CUX1: variants seen among roughly 807,000 people sequenced by gnomAD.
CUX1 encodes protein CASP.
Under a neutral mutation model 158.8 loss-of-function variants are expected in CUX1, and 31 were observed. That is an observed-to-expected ratio of 0.20 (90% CI 0.15 to 0.26). The LOEUF is 0.26. Ranked by LOEUF, CUX1 falls within the 10% of genes least tolerant of loss-of-function variation. The pLI is 1.00. For synonymous variants in CUX1, 879 were observed against 862.1 expected, an observed-to-expected ratio of 1.02 and a Z score of -0.34; for missense variants, 1,589 against 2,014.6, an observed-to-expected ratio of 0.79 and a Z score of 4.04.
intron 1 of CUX1, among the ~76,000 whole-genome samples, chr7:101,857,366 G>A (rs1036539247): frequency 2.6e-5 from 4 of 152,226 alleles, no homozygotes; most frequent in Non-Finnish European, 5.9e-5. Flanking sequence ...TGGCCACCAA[G>A]TACTTTTCAA....
upstream of CUX1, chr7:101,817,309 C>G (rs1791955581): frequency 1.1e-5 from 11 of 984,586 alleles, no homozygotes; most frequent in Non-Finnish European, 1.3e-5. The surrounding 1 kb of genome is among the most constrained non-coding windows in gnomAD (Gnocchi z 4.1). Flanking sequence ...TGCGTCCCCT[C>G]GGGGCTTCTG....
chr7:101,897,143 T>G (rs1801606531), intron 1 of CUX1, among the ~76,000 whole-genome samples: 1 of 152,202 alleles, frequency 6.6e-6, no homozygotes, highest in Non-Finnish European at 1.5e-5. Context: ...GCAGGAAGTG[T>G]GTTTCATTTT....
intron 2 of CUX1, among the ~76,000 whole-genome samples, chr7:101,944,485 CTGTT>C (rs1290890559): frequency 1.3e-5 from 2 of 152,216 alleles, no homozygotes; most frequent in African/African-American, 4.8e-5. Flanking sequence ...TCCTCCGTGA[CTGTT>C]TGTGGCCAGT....
intron 2 of CUX1, among the ~76,000 whole-genome samples, chr7:101,984,615 C>G (rs965180134): frequency 1.6e-4 from 25 of 151,766 alleles, no homozygotes. Flanking sequence ...CTGGGTTGTG[C>G]TTGGATGATG....
chr7:101,858,872 G>A (rs1344930922), intron 1 of CUX1, among the ~76,000 whole-genome samples: 1 of 152,044 alleles, frequency 6.6e-6, no homozygotes, highest in Non-Finnish European at 1.5e-5. Flanking sequence ...CGCCATGTTG[G>A]CCAGGCTGGA....
chr7:102,080,678 C>A (rs781895590), intron 4 of CUX1, among the ~76,000 whole-genome samples: 1 of 152,200 alleles, frequency 6.6e-6, no homozygotes, highest in African/African-American at 2.4e-5. Context: ...GCCCTCTCCA[C>A]GCCCCCAGCC....
intron 6 of CUX1, among the ~76,000 whole-genome samples, chr7:102,111,292 T>A (rs1424140013): frequency 6.6e-6 from 1 of 152,204 alleles, no homozygotes; most frequent in East Asian, 1.9e-4. Context: ...ATTTAGTGCA[T>A]CCTTTATTCC....
chr7:102,054,175 G>A (rs441160), intron 3 of CUX1, among the ~76,000 whole-genome samples: 127,614 of 152,156 alleles, frequency 0.84, 53,638 homozygotes, highest in East Asian at 0.99. Context: ...AATCCAATTT[G>A]TCGATTTTTC....
At chr7:101,819,736 T>C (rs1386620235) in intron 1 of CUX1, among the ~76,000 whole-genome samples, 1 of 152,166 alleles carries the variant, frequency 6.6e-6, no homozygotes, top group Non-Finnish European at 1.5e-5. Context: ...TCATTGGCAG[T>C]TGATTTAAGT....
At chr7:102,280,660 C>T (rs1791993467) in intron 19 of CUX1, 1 of 720,922 alleles carries the variant, frequency 1.4e-6, no homozygotes, top group African/African-American at 1.8e-5. Flanking sequence ...CAGGGAAGCC[C>T]CTGGCAGCAC....
intron 8 of CUX1, among the ~76,000 whole-genome samples, chr7:102,135,106 G>A (rs1231559941): frequency 6.6e-6 from 1 of 152,072 alleles, no homozygotes; most frequent in Non-Finnish European, 1.5e-5. Flanking sequence ...GAACAACACA[G>A]GGGTTAGAGG....
At chr7:102,177,389 G>A (rs1331479043) in intron 10 of CUX1, among the ~76,000 whole-genome samples, 1 of 150,666 alleles carries the variant, frequency 6.6e-6, no homozygotes, top group Non-Finnish European at 1.5e-5. Context: ...ACTCCAGCCT[G>A]GGCGACAGAC....
intron 17 of CUX1, chr7:102,277,932 T>TG: frequency 1.7e-6 from 2 of 1,150,374 alleles, no homozygotes; most frequent in Non-Finnish European, 2.5e-6. Flanking sequence ...CCCCTTTCCT[T>TG]GCCCCTCCCC....
rs566430820 is a variant in CUX1 at position 101,959,794 on chromosome 7, C to A, written c.141+43569C>A. On this transcript the variant is annotated intron_variant, in intron 2 of 23. Transcript: ENST00000292535. ...GCCTAATTAATGGGAAGGTGTTCTG[C>A]GGAGGATTTCACCGCGTACATATTC... Among the ~76,000 whole-genome samples the A allele has an allele frequency of 4.6e-5, 7 of 152,208 alleles. No homozygotes were observed. In the East Asian group the frequency reaches 1.2e-3, roughly 25 times the overall value.
intron 1 of CUX1, among the ~76,000 whole-genome samples, chr7:101,864,139 G>A (rs1005210485): frequency 2.6e-5 from 4 of 151,658 alleles, no homozygotes; most frequent in Non-Finnish European, 5.9e-5. Flanking sequence ...CCACAGCCTC[G>A]CCAGCATTTG....
At chr7:102,172,185 G>A (rs1312929451) in intron 10 of CUX1, among the ~76,000 whole-genome samples, 1 of 152,026 alleles carries the variant, frequency 6.6e-6, no homozygotes, top group African/African-American at 2.4e-5. Flanking sequence ...TCCACCTCCC[G>A]GGTTCAAGCA....
chr7:102,032,310 C>G (rs1316777205), intron 3 of CUX1, among the ~76,000 whole-genome samples: 2 of 151,998 alleles, frequency 1.3e-5, no homozygotes, highest in African/African-American at 4.8e-5. Context: ...GTGTGGAATC[C>G]CAGCAGTTTG....
intron 1 of CUX1, among the ~76,000 whole-genome samples, chr7:101,819,718 G>T (rs1792263108): frequency 6.6e-6 from 1 of 152,134 alleles, no homozygotes; most frequent in Non-Finnish European, 1.5e-5. Context: ...GTTGGATGTG[G>T]GAAGGGGTCA....
intron 1 of CUX1, among the ~76,000 whole-genome samples, chr7:101,897,207 C>G (rs1801612214): frequency 6.6e-6 from 1 of 152,260 alleles, no homozygotes; most frequent in Admixed American, 6.5e-5. Context: ...TGGATGACAG[C>G]GCAGAGTTTT....
Sources: gnomAD v4.1 joint callset for allele counts (sites outside exome capture counted in the v4.1 genomes callset) on GRCh38, gnomAD v4.1.1 for gene constraint, Gnocchi (gnomAD v3.1) non-coding constraint, MANE v1.5 for transcripts, NCBI Gene and HGNC (gene_info 2026-07-23, HGNC 2026-07-21) for gene names.